Variants in DBX2 observed in about 807,000 individuals in gnomAD.
The protein encoded by DBX2 is homeobox protein DBX2.
A neutral mutation model predicts 17.7 loss-of-function variants in DBX2; 16 were observed. The observed-to-expected ratio is 0.90, with a 90% confidence interval of 0.61 to 1.37. The LOEUF is 1.37. Among genes scored for constraint, DBX2 ranks in the 40% most tolerant of loss-of-function variants. DBX2 has a pLI of 0.00. For missense variants in DBX2, 538 were observed against 433.8 expected (o/e 1.24, Z -2.13); for synonymous variants, 255 against 183.8 (o/e 1.39, Z -3.13).
chr12:45,026,434 C>T (rs962872404), intron 2 of DBX2, among the ~76,000 whole-genome samples: 2 of 152,120 alleles, frequency 1.3e-5, no homozygotes, highest in Non-Finnish European at 2.9e-5. Flanking sequence ...GGCATGAATG[C>T]TACTATTACT....
chr12:45,051,043 G>T lies in DBX2; in HGVS notation c.-116C>A. 8.0e-7 allele frequency: 1 copy of T among 1,243,446 alleles called. No individual in the cohort carries two copies. Among genetic ancestry groups the T allele is most frequent in the African/African-American group, 1.6e-5 (1 of 63,238 alleles). The allele number at this position is 1,243,446 out of a possible 1,614,324, so 77.0% of individuals were successfully genotyped here. ...CCGCCGCCTCCCGCAGGGCTGGAGC[G>T]CGCGGAGCCAGGCAGGGAGGAAAGG... On this transcript the variant is annotated 5_prime_UTR_variant, in exon 1 of 4. Coordinates refer to ENST00000332700, the MANE Select transcript of DBX2 (RefSeq NM_001004329.3).
At chr12:45,022,033 T>C (rs1946355144) in intron 3 of DBX2, among the ~76,000 whole-genome samples, 1 of 152,200 alleles carries the variant, frequency 6.6e-6, no homozygotes, top group Non-Finnish European at 1.5e-5. Flanking sequence ...GATTTATCTG[T>C]TATATACACA....
chr12:45,023,717 T>A lies in DBX2; in HGVS notation c.677A>T (p.Lys226Met), dbSNP rs1026082876. The A allele has an allele frequency of 3.7e-6, 6 of 1,614,046 alleles. No individual in the cohort carries two copies. The highest frequency in any genetic ancestry group is 5.1e-6 in the Non-Finnish European group (6 of 1,180,026). Residue 226 changes from lysine (K) to methionine (M), a missense_variant, in exon 3 of 4, where the codon AAG (lysine) becomes ATG (methionine). By Grantham distance (95) the Lys-to-Met change is moderately conservative. Coordinates refer to ENST00000332700, the MANE Select transcript of DBX2 (RefSeq NM_001004329.3). The part of the protein sequence containing the change: ...RKKLAINLGL[K>M]ESQVKIWFQN... The stretch of plus-strand genomic sequence containing the variant: ...CCTGCTTATTAGTACCTGTGATTCC[T>A]TTAGTCCCAAGTTGATGGCAAGTTT...
chr12:45,049,040 TA>T (rs1358397626), intron 1 of DBX2, among the ~76,000 whole-genome samples: 1 of 152,168 alleles, frequency 6.6e-6, no homozygotes, highest in Non-Finnish European at 1.5e-5. Context: ...TATAGTAAAT[TA>T]TTTTTTAGGG....
chr12:45,037,625 A>AT (rs1211842578), intron 1 of DBX2, among the ~76,000 whole-genome samples: 3 of 152,142 alleles, frequency 2.0e-5, no homozygotes, highest in Non-Finnish European at 4.4e-5. Flanking sequence ...TTGTTTCCAT[A>AT]TGACTACATA....
At position 45,050,796 on chromosome 12, in the gene DBX2, C is replaced by T; in HGVS notation, c.132G>A (p.Leu44=). Residue 44 remains leucine (L), a synonymous_variant, in exon 1 of 4, where the codon CTG becomes CTA. Transcript: ENST00000332700. ...TGGGCGTTGGGGCGCCCCCGACCCGCAGCAAATTCTCGATCAGGAAACTCT... is the reference window on the plus strand; with the variant it reads ...TGGGCGTTGGGGCGCCCCCGACCCGTAGCAAATTCTCGATCAGGAAACTCT... ...LGKSFLIENL[L]RVGGAPTPRL... The T allele has an allele frequency of 6.5e-7, 1 of 1,531,366 alleles. No homozygotes were observed. The highest frequency in any genetic ancestry group is 8.8e-7 in the Non-Finnish European group (1 of 1,141,238). The allele number at this position is 1,531,366 out of a possible 1,614,324, so 94.9% of individuals were successfully genotyped here. A position where few individuals can be genotyped will look rare whatever the true frequency, so the allele number is the denominator to read the frequency against.
intron 1 of DBX2, among the ~76,000 whole-genome samples, chr12:45,037,216 T>C (rs1279393370): frequency 2.0e-5 from 3 of 152,204 alleles, no homozygotes; most frequent in Non-Finnish European, 2.9e-5. Flanking sequence ...ACTTACTGTA[T>C]GCTGTGCTTT....
intron 1 of DBX2, among the ~76,000 whole-genome samples, chr12:45,044,579 G>C (rs1186796209): frequency 6.6e-6 from 1 of 152,110 alleles, no homozygotes; most frequent in Admixed American, 6.5e-5. Context: ...CTAGTCATCT[G>C]TGCATCATTT....
Position 45,021,757 on chromosome 12 carries a change from T to C in DBX2, c.687+1950A>G, listed in dbSNP as rs180681118. 7.1e-4 allele frequency among the ~76,000 whole-genome samples: 108 copies of C among 152,288 alleles called. 1 individual carries two copies. In the East Asian group the frequency reaches 0.013, roughly 18 times the overall value. On this transcript the variant is annotated intron_variant, in intron 3 of 3. Transcript: ENST00000332700. ...ATGGACCAATCACACGGCTGTCCTT[T>C]GCAGAGATGGGGATCAACATAAGGC...
intron 1 of DBX2, among the ~76,000 whole-genome samples, chr12:45,050,183 TG>T (rs1946521878): frequency 6.6e-6 from 1 of 152,148 alleles, no homozygotes; most frequent in Admixed American, 6.5e-5. Context: ...TTGAACTTGG[TG>T]AAACCCCTTG....
intron 3 of DBX2, among the ~76,000 whole-genome samples, chr12:45,019,375 G>A (rs942824332): frequency 2.0e-5 from 3 of 152,002 alleles, no homozygotes; most frequent in Non-Finnish European, 4.4e-5. Context: ...AGCCCCTCAC[G>A]TTCTGGTAGT....
rs1372983007 is a variant in DBX2 at position 45,050,596 on chromosome 12, G to A, written c.332C>T (p.Ser111Phe). ...TRWAFQVLSP[S>F]ADSARLPGRA... is the part of the protein sequence containing the mutation. Reference sequence around the variant, plus strand: ...GCCCGGCAGCCTCGCACTGTCCGCAGAGGGACTGAGCACTTGAAAAGCCCA... The same window carrying A: ...GCCCGGCAGCCTCGCACTGTCCGCAAAGGGACTGAGCACTTGAAAAGCCCA... Residue 111 changes from serine to phenylalanine, a missense_variant, in exon 1 of 4, where the codon TCT (serine) becomes TTT (phenylalanine). Coordinates refer to ENST00000332700, the MANE Select transcript of DBX2 (RefSeq NM_001004329.3). 8 of 1,551,652 alleles carry A rather than the reference G, an allele frequency of 5.2e-6. No individual in the cohort carries two copies. The highest frequency in any genetic ancestry group is 1.2e-5 in the South Asian group (1 of 84,136).
chr12:45,043,726 A>G (rs1191368500), intron 1 of DBX2, among the ~76,000 whole-genome samples: 1 of 152,206 alleles, frequency 6.6e-6, no homozygotes, highest in Non-Finnish European at 1.5e-5. Context: ...AAGAGAAAAT[A>G]ATAAATTGTT....
At chr12:45,018,598 A>T (rs897256624) in intron 3 of DBX2, among the ~76,000 whole-genome samples, 9 of 152,140 alleles carry the variant, frequency 5.9e-5, no homozygotes, top group Non-Finnish European at 1.3e-4. Flanking sequence ...GGAGCTGAAT[A>T]CATAAAAATG....
rs578002284 is a variant in DBX2 at position 45,015,548 on chromosome 12, G to A, written c.*738C>T. ...ACCCTGGTCTAGGCCCATCTTTACA[G>A]AGAAGAGATCAAAAAATAATTATTA... On this transcript the variant is annotated 3_prime_UTR_variant, in exon 4 of 4. Transcript: ENST00000332700. 6.6e-6 allele frequency: 1 copy of A among 152,174 alleles called. No individual in the cohort carries two copies. The highest frequency in any genetic ancestry group is 2.1e-4 in the South Asian group (1 of 4,830). The allele number at this position is 152,174 out of a possible 1,614,324, so 9.4% of individuals were successfully genotyped here.
Position 45,050,755 on chromosome 12 carries a change from G to C in DBX2, c.173C>G (p.Ala58Gly). ...GAPTPRLQPP[A>G]PHDPATALAT... is the part of the protein sequence containing the mutation. Reference sequence around the variant, plus strand: ...CAGGGCGGTCGCCGGGTCGTGGGGCGCGGGCGGCTGCAGCCTGGGCGTTGG... The same window carrying C: ...CAGGGCGGTCGCCGGGTCGTGGGGCCCGGGCGGCTGCAGCCTGGGCGTTGG... Residue 58 changes from alanine (A) to glycine (G), a missense_variant, in exon 1 of 4, where the codon GCG (alanine) becomes GGG (glycine). Transcript: ENST00000332700. 6.7e-7 allele frequency: 1 copy of C among 1,501,880 alleles called. No individual in the cohort carries two copies. The highest frequency in any genetic ancestry group is 1.3e-5 in the South Asian group (1 of 78,788). The allele number at this position is 1,501,880 out of a possible 1,614,324, so 93.0% of individuals were successfully genotyped here.
chr12:45,017,532 G>A (rs2137016951), intron 3 of DBX2, among the ~76,000 whole-genome samples: 1 of 152,292 alleles, frequency 6.6e-6, no homozygotes, highest in South Asian at 2.1e-4. Context: ...ATTTTGTAAT[G>A]CTTTGATAAA....
At chr12:45,042,315 G>T (rs900693518) in intron 1 of DBX2, among the ~76,000 whole-genome samples, 1 of 152,116 alleles carries the variant, frequency 6.6e-6, no homozygotes, top group African/African-American at 2.4e-5. Flanking sequence ...AAAAAGAAAA[G>T]GATATTTTAA....
intron 2 of DBX2, among the ~76,000 whole-genome samples, chr12:45,029,864 A>C (rs916964808): frequency 1.4e-5 from 1 of 69,680 alleles, no homozygotes; most frequent in Non-Finnish European, 4.6e-5. Context: ...ACTCCATCTT[A>C]AAAAAAAAAT....
Sources: allele counts gnomAD v4.1 joint callset (sites outside exome capture counted in the v4.1 genomes callset), GRCh38; gene constraint gnomAD v4.1.1; transcripts MANE v1.5; gene names NCBI Gene and HGNC (gene_info 2026-07-23, HGNC 2026-07-21).